Variants in KCNT2 observed in about 807,000 individuals in gnomAD.
KCNT2 encodes potassium sodium-activated channel subfamily T member 2.
In KCNT2, 67 loss-of-function variants were observed where a neutral mutation model predicts 153.8. That is an observed-to-expected ratio of 0.44 (90% confidence interval 0.36 to 0.53). KCNT2 has a LOEUF of 0.53. Ranked by LOEUF, KCNT2 falls within the 20% of genes least tolerant of loss-of-function variation. KCNT2 has a pLI of 0.00. For synonymous variants in KCNT2, 500 were observed against 458.8 expected, an observed-to-expected ratio of 1.09 and a Z score of -1.15; for missense variants, 975 against 1,354.8, an observed-to-expected ratio of 0.72 and a Z score of 4.40.
intron 8 of KCNT2, among the ~76,000 whole-genome samples, chr1:196,439,663 A>G (rs1015202932): frequency 1.3e-4 from 19 of 151,970 alleles, no homozygotes; most frequent in African/African-American, 4.6e-4. Flanking sequence ...GGCATGCTGA[A>G]TTTAACATTC....
At chr1:196,403,159 G>T (rs571365414) in intron 12 of KCNT2, among the ~76,000 whole-genome samples, 10 of 151,698 alleles carry the variant, frequency 6.6e-5, no homozygotes, top group African/African-American at 2.4e-4. Context: ...ACACTTGGAG[G>T]TAACCAAGAT....
At chr1:196,395,601 C>T (rs1670869647) in intron 13 of KCNT2, among the ~76,000 whole-genome samples, 2 of 151,362 alleles carry the variant, frequency 1.3e-5, no homozygotes, top group Non-Finnish European at 3.0e-5. Context: ...CCCCATTTTA[C>T]AACTTGAAAA....
intron 4 of KCNT2, among the ~76,000 whole-genome samples, chr1:196,481,144 A>C (rs1418389252): frequency 6.6e-6 from 1 of 152,214 alleles, no homozygotes; most frequent in Non-Finnish European, 1.5e-5. Context: ...AACAAAACTT[A>C]AAACACCCAG....
intron 1 of KCNT2, among the ~76,000 whole-genome samples, chr1:196,547,948 A>G (rs552219522): frequency 6.6e-5 from 10 of 151,960 alleles, no homozygotes; most frequent in African/African-American, 2.4e-4. Flanking sequence ...TGCAATTCTG[A>G]TCTGGTACGT....
intron 8 of KCNT2, among the ~76,000 whole-genome samples, chr1:196,441,199 A>G (rs1675191882): frequency 6.6e-6 from 1 of 151,886 alleles, no homozygotes; most frequent in South Asian, 2.1e-4. Context: ...TAAAGAAACT[A>G]TTTAAACACC....
chr1:196,375,240 A>T (rs1184116805), intron 13 of KCNT2, among the ~76,000 whole-genome samples: 1 of 127,006 alleles, frequency 7.9e-6, no homozygotes, highest in Non-Finnish European at 1.5e-5. Context: ...AGATTCCTAC[A>T]TTTCGATAGT....
intron 21 of KCNT2, among the ~76,000 whole-genome samples, chr1:196,307,721 G>C (rs1661769263): frequency 6.6e-6 from 1 of 151,954 alleles, no homozygotes; most frequent in African/African-American, 2.4e-5. Flanking sequence ...TTTTCTTTTA[G>C]CAGCTCTATT....
At position 196,340,328 on chromosome 1, in the gene KCNT2, T is replaced by C; in HGVS notation, c.1783+13A>G. 1 of 1,388,714 alleles carries C rather than the reference T, an allele frequency of 7.2e-7. No homozygotes were observed. The highest frequency in any genetic ancestry group is 2.3e-5 in the East Asian group (1 of 42,662). The allele number at this position is 1,388,714 out of a possible 1,614,324, so 86.0% of individuals were successfully genotyped here. A position where few individuals can be genotyped will look rare whatever the true frequency, so the allele number is the denominator to read the frequency against. ...AAATAAATTAATGATATTTCAAATT[T>C]GTTTATACTTACCCATGCTGGCAAT... On this transcript the variant is annotated intron_variant, in intron 16 of 27. Transcript: ENST00000294725.
intron 1 of KCNT2, among the ~76,000 whole-genome samples, chr1:196,495,897 TCAA>T (rs939286294): frequency 1.3e-5 from 2 of 152,210 alleles, no homozygotes; most frequent in African/African-American, 4.8e-5. Context: ...TTTATGTTGA[TCAA>T]CAACATTTTA....
intron 1 of KCNT2, among the ~76,000 whole-genome samples, chr1:196,593,999 C>T (rs1558117684): frequency 6.6e-6 from 1 of 151,996 alleles, no homozygotes; most frequent in Non-Finnish European, 1.5e-5. Flanking sequence ...CACACACACA[C>T]ATACACACAC....
chr1:196,563,769 G>A (rs1480277097), intron 1 of KCNT2, among the ~76,000 whole-genome samples: 1 of 151,758 alleles, frequency 6.6e-6, no homozygotes, highest in Non-Finnish European at 1.5e-5. Flanking sequence ...AAAATCATAT[G>A]ATTACCTCAA....
chr1:196,361,338 G>A (rs1166672782), intron 14 of KCNT2, among the ~76,000 whole-genome samples: 2 of 151,928 alleles, frequency 1.3e-5, no homozygotes, highest in African/African-American at 2.4e-5. Context: ...GATATGTCCC[G>A]AAGGTTACCT....
chr1:196,309,868 C>T (rs1021845326), intron 21 of KCNT2, among the ~76,000 whole-genome samples: 1 of 151,612 alleles, frequency 6.6e-6, no homozygotes, highest in Admixed American at 6.6e-5. Flanking sequence ...TAGAGCAATA[C>T]TGTAATTAAA....
intron 1 of KCNT2, among the ~76,000 whole-genome samples, chr1:196,538,330 C>A (rs1422794846): frequency 6.6e-6 from 1 of 152,072 alleles, no homozygotes; most frequent in Non-Finnish European, 1.5e-5. Flanking sequence ...ACCAAAGGCT[C>A]ACCCAGCTGG....
At chr1:196,577,482 G>A (rs1055822682) in intron 1 of KCNT2, among the ~76,000 whole-genome samples, 1 of 152,170 alleles carries the variant, frequency 6.6e-6, no homozygotes, top group Non-Finnish European at 1.5e-5. Context: ...CACAGAATTA[G>A]GGAGAAGAAA....
intron 8 of KCNT2, among the ~76,000 whole-genome samples, chr1:196,464,276 G>A (rs1392483951): frequency 6.6e-6 from 1 of 151,760 alleles, no homozygotes; most frequent in Non-Finnish European, 1.5e-5. Context: ...GACACTAGGC[G>A]ATAAGATGGC....
At chr1:196,308,007 G>A (rs1286019885) in intron 21 of KCNT2, among the ~76,000 whole-genome samples, 2 of 151,646 alleles carry the variant, frequency 1.3e-5, no homozygotes, top group Non-Finnish European at 2.9e-5. Flanking sequence ...CCATCATCTG[G>A]GGAAATAGAA....
chr1:196,253,353 T>C, intron 26 of KCNT2, among the ~76,000 whole-genome samples: 1 of 151,520 alleles, frequency 6.6e-6, no homozygotes, highest in East Asian at 1.9e-4. Context: ...CCCCATCCAG[T>C]ATTTAACTTG....
chr1:196,418,262 G>T (rs186645605), intron 12 of KCNT2, among the ~76,000 whole-genome samples: 1 of 152,052 alleles, frequency 6.6e-6, no homozygotes, highest in East Asian at 1.9e-4. Flanking sequence ...GATCACCTGT[G>T]GTCGGAAGTT....
Sources: gnomAD v4.1 joint callset for allele counts (sites outside exome capture counted in the v4.1 genomes callset) on GRCh38, gnomAD v4.1.1 for gene constraint, MANE v1.5 for transcripts, NCBI Gene and HGNC (gene_info 2026-07-23, HGNC 2026-07-21) for gene names.